Variants in GULP1 observed in about 807,000 individuals in gnomAD.
The protein encoded by GULP1 is GULP PTB domain containing engulfment adaptor 1.
Under a neutral mutation model 40.9 loss-of-function variants are expected in GULP1, and 19 were observed. The ratio of observed to expected loss-of-function variants is 0.46; its 90% CI spans 0.32 to 0.68. The LOEUF is 0.68. Among genes scored for constraint, GULP1 ranks in the 30% least tolerant of loss-of-function variants. The pLI is 0.03. For synonymous variants in GULP1, 119 were observed against 117.6 expected (o/e 1.01, Z -0.08); for missense variants, 312 against 362.2 (o/e 0.86, Z 1.12).
At chr2:188,451,302 A>G (rs2058815888) in intron 2 of GULP1, among the ~76,000 whole-genome samples, 1 of 152,244 alleles carries the variant, frequency 6.6e-6, no homozygotes, top group Non-Finnish European at 1.5e-5. Flanking sequence ...TGTGATGTTA[A>G]AGGAATGAGC....
At chr2:188,311,354 G>A (rs973362094) in intron 1 of GULP1, among the ~76,000 whole-genome samples, 4 of 152,056 alleles carry the variant, frequency 2.6e-5, no homozygotes, top group South Asian at 2.1e-4. Context: ...GCGCCACCGT[G>A]CCCAGCTAAT....
chr2:188,588,184 T>C lies in GULP1; in HGVS notation c.843+235T>C, dbSNP rs754131276. The stretch of plus-strand genomic sequence containing the variant: ...TCAATTTATAATGTCAATAAGATGG[T>C]TCATTTTTTAAATACAAAATGGCAT... On this transcript the variant is annotated intron_variant, in intron 11 of 11. Transcript: ENST00000409830. The C allele has an allele frequency of 4.4e-4, 219 of 495,004 alleles. 1 individual carries two copies. The highest frequency in any genetic ancestry group is 7.6e-4 in the Non-Finnish European group (204 of 269,214). The allele number at this position is 495,004 out of a possible 1,614,324, so 30.7% of individuals were successfully genotyped here.
chr2:188,571,534 T>C (rs996706125), intron 9 of GULP1, among the ~76,000 whole-genome samples: 12 of 152,304 alleles, frequency 7.9e-5, no homozygotes, highest in African/African-American at 2.9e-4. Context: ...AATGTATCTA[T>C]GCTGGAGCAT....
At chr2:188,543,592 A>C (rs1012145716) in intron 7 of GULP1, among the ~76,000 whole-genome samples, 1 of 152,202 alleles carries the variant, frequency 6.6e-6, no homozygotes, top group African/African-American at 2.4e-5. Context: ...CATTTTAAAT[A>C]GTTTAGCATA....
chr2:188,380,760 T>C (rs2048914288), intron 1 of GULP1, among the ~76,000 whole-genome samples: 2 of 152,180 alleles, frequency 1.3e-5, no homozygotes, highest in African/African-American at 4.8e-5. Flanking sequence ...GTGGTCTGTA[T>C]TTCATATGAT....
At chr2:188,367,274 T>C (rs1222964222) in intron 1 of GULP1, among the ~76,000 whole-genome samples, 2 of 152,214 alleles carry the variant, frequency 1.3e-5, no homozygotes, top group Non-Finnish European at 2.9e-5. Flanking sequence ...CTGTGTGAAC[T>C]GGTCACGATG....
intron 7 of GULP1, among the ~76,000 whole-genome samples, chr2:188,557,999 G>C (rs1339950380): frequency 6.6e-6 from 1 of 152,154 alleles, no homozygotes; most frequent in Non-Finnish European, 1.5e-5. Flanking sequence ...TAGGAAGCCT[G>C]CAATGGGAGG....
Position 188,595,545 on chromosome 2 carries a change from G to C in GULP1, c.*1534G>C, listed in dbSNP as rs973633288. 3.9e-5 allele frequency: 6 copies of C among 151,996 alleles called. No individual in the cohort carries two copies. The highest frequency in any genetic ancestry group is 1.5e-4 in the African/African-American group (6 of 41,358). The allele number at this position is 151,996 out of a possible 1,614,324, so 9.4% of individuals were successfully genotyped here. On this transcript the variant is annotated 3_prime_UTR_variant, in exon 12 of 12. Transcript: ENST00000409830. The stretch of plus-strand genomic sequence containing the variant: ...CATAAAGAAGAGTCTTTATAATTTT[G>C]TTTGTCAGATAGTATTTTGGAATTT...
At chr2:188,418,148 G>A (rs1309921561) in intron 2 of GULP1, among the ~76,000 whole-genome samples, 1 of 152,062 alleles carries the variant, frequency 6.6e-6, no homozygotes, top group Non-Finnish European at 1.5e-5. Context: ...TTGAGGACTT[G>A]AAGTTTTTAT....
intron 1 of GULP1, among the ~76,000 whole-genome samples, chr2:188,358,969 T>C (rs536601224): frequency 6.6e-6 from 1 of 152,284 alleles, no homozygotes; most frequent in South Asian, 2.1e-4. Context: ...TTTTGGTTTA[T>C]AGATTCTTTT....
intron 9 of GULP1, 25 bp from the exon 10 acceptor site, chr2:188,584,240 C>T (rs780056302): frequency 2.0e-6 from 3 of 1,526,558 alleles, no homozygotes; most frequent in Non-Finnish European, 1.8e-6. Flanking sequence ...GAAATATTAC[C>T]CTAATTCATT....
At chr2:188,584,916 C>G (rs967653277) in intron 10 of GULP1, among the ~76,000 whole-genome samples, 2 of 151,834 alleles carry the variant, frequency 1.3e-5, no homozygotes, top group African/African-American at 4.8e-5. Flanking sequence ...TTTTATATAT[C>G]TGGAAGGAAT....
chr2:188,356,792 C>A (rs1245282106), intron 1 of GULP1, among the ~76,000 whole-genome samples: 1 of 151,880 alleles, frequency 6.6e-6, no homozygotes, highest in Non-Finnish European at 1.5e-5. Flanking sequence ...CTACTAAGGA[C>A]TAATGACTTC....
chr2:188,312,272 G>A (rs2038295591), intron 1 of GULP1, among the ~76,000 whole-genome samples: 1 of 151,778 alleles, frequency 6.6e-6, no homozygotes, highest in African/African-American at 2.4e-5. Context: ...GTGGTTTGCT[G>A]CACCTATTGA....
chr2:188,569,404 G>C, intron 8 of GULP1, 49 bp downstream of exon 8: 1 of 957,584 alleles, frequency 1.0e-6, no homozygotes, highest in Non-Finnish European at 1.7e-6. Flanking sequence ...GTAAGTACAG[G>C]GAAACTTGCA....
chr2:188,428,968 G>C (rs2056548849), intron 2 of GULP1, among the ~76,000 whole-genome samples: 1 of 151,908 alleles, frequency 6.6e-6, no homozygotes, highest in African/African-American at 2.4e-5. Flanking sequence ...TAGCTCTGAT[G>C]ATGACAGGAA....
chr2:188,335,478 C>A (rs944029899), intron 1 of GULP1, among the ~76,000 whole-genome samples: 2 of 152,138 alleles, frequency 1.3e-5, no homozygotes, highest in South Asian at 4.1e-4. Flanking sequence ...TGCTCAGAAT[C>A]GCTTCTAAAA....
intron 4 of GULP1, among the ~76,000 whole-genome samples, chr2:188,501,358 C>A (rs1352438951): frequency 6.6e-6 from 1 of 151,970 alleles, no homozygotes; most frequent in African/African-American, 2.4e-5. Flanking sequence ...CTTTTGCCTT[C>A]TGCCATGATT....
chr2:188,486,383 T>A (rs1251582375), intron 4 of GULP1, among the ~76,000 whole-genome samples: 1 of 151,988 alleles, frequency 6.6e-6, no homozygotes, highest in Non-Finnish European at 1.5e-5. Flanking sequence ...ATTTTCATCC[T>A]GGCTAAAAGA....
Sources: allele counts gnomAD v4.1 joint callset (sites outside exome capture counted in the v4.1 genomes callset), GRCh38; gene constraint gnomAD v4.1.1; transcripts MANE v1.5; gene names NCBI Gene and HGNC (gene_info 2026-07-23, HGNC 2026-07-21).